The following RAB31 variants were observed in gnomAD, a reference collection of about 807,000 sequenced individuals.
RAB31 encodes ras-related protein Rab-31.
RAB31 carries 21 observed loss-of-function variants against 25.6 expected under a neutral mutation model. That is an observed-to-expected ratio of 0.82 (90% CI 0.58 to 1.18). RAB31 has a LOEUF of 1.18. Among genes scored for constraint, RAB31 ranks in the 50% most tolerant of loss-of-function variants. The pLI, the probability that RAB31 is intolerant of heterozygous loss-of-function variation, is 0.00. For missense variants in RAB31, 196 were observed against 250.1 expected, an observed-to-expected ratio of 0.78 and a Z score of 1.46; for synonymous variants, 87 against 84.0, an observed-to-expected ratio of 1.04 and a Z score of -0.20.
At chr18:9,784,423 C>T (rs566359606) in intron 2 of RAB31, among the ~76,000 whole-genome samples, 13 of 152,054 alleles carry the variant, frequency 8.5e-5, no homozygotes, top group Admixed American at 2.6e-4. Flanking sequence ...GAATCATTGT[C>T]GTAATAGTGA....
rs60889612 is a variant in RAB31, at chr18:9,803,240, CT to C, written c.202-10766del. 4.7e-3 allele frequency among the ~76,000 whole-genome samples: 669 copies of C among 141,496 alleles called. 6 individuals are homozygous for C. Among genetic ancestry groups the C allele is most frequent in the East Asian group, 7.4e-3 (36 of 4,856 alleles). 92.8% of individuals were successfully genotyped at this position (141,496 alleles called of 152,430 possible). A position where few individuals can be genotyped will look rare whatever the true frequency, so the allele number is the denominator to read the frequency against. On this transcript the variant is annotated intron_variant, in intron 3 of 6. Coordinates refer to ENST00000578921, the MANE Select transcript of RAB31 (RefSeq NM_006868.4). Reference sequence around the variant, plus strand: ...CTTTCTTTTCTTCTCTTTTTCCTTTCTTTTTTTTTTTTTTAGGCAGGGTCTT... The same window carrying C: ...CTTTCTTTTCTTCTCTTTTTCCTTTCTTTTTTTTTTTTTAGGCAGGGTCTT...
chr18:9,845,208 A>G (rs773713887), intron 5 of RAB31, among the ~76,000 whole-genome samples: 11 of 152,328 alleles, frequency 7.2e-5, no homozygotes, highest in Non-Finnish European at 1.2e-4. Context: ...GTGCACAAAC[A>G]TACTAACAGA....
chr18:9,733,608 T>C (rs2068134305), intron 1 of RAB31, among the ~76,000 whole-genome samples: 1 of 152,144 alleles, frequency 6.6e-6, no homozygotes, highest in Non-Finnish European at 1.5e-5. Flanking sequence ...CAAGCCTCAT[T>C]CCATTTTCCT....
At chr18:9,741,731 C>T (rs2068180397) in intron 1 of RAB31, among the ~76,000 whole-genome samples, 2 of 152,218 alleles carry the variant, frequency 1.3e-5, no homozygotes, top group African/African-American at 2.4e-5. Flanking sequence ...TCCTGCTGCT[C>T]CAGCAGCCCC....
intron 5 of RAB31, among the ~76,000 whole-genome samples, chr18:9,818,268 A>G (rs73387412): frequency 0.08 from 12,220 of 152,244 alleles, 764 homozygotes; most frequent in East Asian, 0.36. Context: ...ATACAGTTCA[A>G]CGACTGTTAG....
At chr18:9,808,829 C>T (rs1304508949) in intron 3 of RAB31, among the ~76,000 whole-genome samples, 1 of 152,234 alleles carries the variant, frequency 6.6e-6, no homozygotes, top group Non-Finnish European at 1.5e-5. Flanking sequence ...GGATAATTCT[C>T]ATCTGGGAGG....
At chr18:9,718,395 G>T (rs2145456103) in intron 1 of RAB31, among the ~76,000 whole-genome samples, 1 of 152,198 alleles carries the variant, frequency 6.6e-6, no homozygotes, top group South Asian at 2.1e-4. Flanking sequence ...AAGTAGCTGG[G>T]ATTACAGGCA....
At chr18:9,803,598 T>C (rs1390329163) in intron 3 of RAB31, among the ~76,000 whole-genome samples, 2 of 152,130 alleles carry the variant, frequency 1.3e-5, no homozygotes, top group Non-Finnish European at 2.9e-5. Context: ...AGCTTGAAGA[T>C]AGGGTTTATG....
chr18:9,750,058 A>C (rs948936273), intron 1 of RAB31, among the ~76,000 whole-genome samples: 2 of 152,150 alleles, frequency 1.3e-5, no homozygotes, highest in Non-Finnish European at 2.9e-5. Context: ...GCTAACCAAC[A>C]GGCTTCCCTT....
Position 9,789,719 on chromosome 18 carries a change from T to C in RAB31, c.120-2435T>C, listed in dbSNP as rs919984272. On this transcript the variant is annotated intron_variant, in intron 2 of 6. Transcript: ENST00000578921. ...TATGTTGCTTTTAAAATGGGAAAAG[T>C]AATAAAGACATTAACATTTTTGGAA... 5.6e-4 allele frequency among the ~76,000 whole-genome samples: 85 copies of C among 152,312 alleles called. 1 individual carries two copies. Among genetic ancestry groups the C allele is most frequent in the African/African-American group, 1.8e-3 (76 of 41,568 alleles).
chr18:9,717,267 C>T (rs1200241836), intron 1 of RAB31, among the ~76,000 whole-genome samples: 2 of 152,016 alleles, frequency 1.3e-5, no homozygotes, highest in East Asian at 1.9e-4. Context: ...GAGTTTTTTT[C>T]GAATACATTT....
chr18:9,725,542 T>C (rs926762093), intron 1 of RAB31, among the ~76,000 whole-genome samples: 2 of 152,234 alleles, frequency 1.3e-5, no homozygotes, highest in Admixed American at 1.3e-4. Flanking sequence ...ATAACTTAAC[T>C]GTGCCACAAA....
At chr18:9,833,022 G>A (rs928761694) in intron 5 of RAB31, among the ~76,000 whole-genome samples, 1 of 152,046 alleles carries the variant, frequency 6.6e-6, no homozygotes, top group African/African-American at 2.4e-5. Flanking sequence ...CTACTGCCTG[G>A]ACCTCGACCA....
At chr18:9,739,544 TAAAA>T (rs35363534) in intron 1 of RAB31, among the ~76,000 whole-genome samples, 8 of 148,330 alleles carry the variant, frequency 5.4e-5, no homozygotes, top group Admixed American at 1.3e-4. Context: ...TGTAATGTGC[TAAAA>T]AAAAAAAAAA....
At chr18:9,755,603 G>T (rs568050923) in intron 1 of RAB31, among the ~76,000 whole-genome samples, 13 of 152,322 alleles carry the variant, frequency 8.5e-5, no homozygotes, top group Middle Eastern at 3.4e-3. Flanking sequence ...AGCTCTTCTT[G>T]GGCTGGGGAA....
chr18:9,806,502 C>G (rs1234829925), intron 3 of RAB31, among the ~76,000 whole-genome samples: 2 of 151,280 alleles, frequency 1.3e-5, no homozygotes, highest in Non-Finnish European at 2.9e-5. Flanking sequence ...GGTGGGCCTG[C>G]CTCTGTGTTT....
At chr18:9,786,274 C>T (rs1162464946) in intron 2 of RAB31, among the ~76,000 whole-genome samples, 2 of 152,216 alleles carry the variant, frequency 1.3e-5, no homozygotes, top group South Asian at 2.1e-4. Flanking sequence ...TGGAAAGTGG[C>T]GCCCAGGGAG....
intron 3 of RAB31, among the ~76,000 whole-genome samples, chr18:9,807,047 G>A (rs935849281): frequency 5.3e-5 from 8 of 152,206 alleles, no homozygotes; most frequent in African/African-American, 1.7e-4. Flanking sequence ...AACTTTGGAC[G>A]TCCAGTCAAG....
chr18:9,814,999 G>T, intron 4 of RAB31, 117 bp from the exon 5 acceptor site: 1 of 697,096 alleles, frequency 1.4e-6, no homozygotes, highest in South Asian at 1.9e-5. Context: ...ATGTTAATCT[G>T]CATGAGTCTC....
Sources: gnomAD v4.1 joint callset for allele counts (sites outside exome capture counted in the v4.1 genomes callset) on GRCh38, gnomAD v4.1.1 for gene constraint, MANE v1.5 for transcripts, NCBI Gene and HGNC (gene_info 2026-07-23, HGNC 2026-07-21) for gene names.